The following CLSTN2 variants were observed in gnomAD, a reference collection of about 807,000 sequenced individuals.
CLSTN2 encodes the protein calsyntenin 2.
CLSTN2 carries 48 observed loss-of-function variants against 101.2 expected under a neutral mutation model. The observed-to-expected ratio is 0.47, with a 90% CI of 0.38 to 0.60. CLSTN2 has a LOEUF of 0.60. Among genes scored for constraint, CLSTN2 ranks in the 20% least tolerant of loss-of-function variants. The probability of loss-of-function intolerance (pLI) is 0.00; values close to 1 mark genes in which losing one functional copy is unlikely to be tolerated. For missense variants in CLSTN2, 1,160 were observed against 1,238.2 expected (o/e 0.94, Z 0.95); for synonymous variants, 481 against 463.6 (o/e 1.04, Z -0.48).
At chr3:140,119,968 G>A (rs763911577) in intron 1 of CLSTN2, among the ~76,000 whole-genome samples, 13 of 152,266 alleles carry the variant, frequency 8.5e-5, no homozygotes, top group East Asian at 1.9e-4. Flanking sequence ...CTCCAGCCAC[G>A]TTATTCCTCT....
intron 4 of CLSTN2, among the ~76,000 whole-genome samples, chr3:140,406,596 A>G (rs1455056200): frequency 6.6e-6 from 1 of 152,224 alleles, no homozygotes; most frequent in Non-Finnish European, 1.5e-5. Context: ...AGGCTCTGTG[A>G]AATGACTAGC....
At chr3:140,406,766 A>C (rs1297061802) in intron 4 of CLSTN2, among the ~76,000 whole-genome samples, 2 of 152,228 alleles carry the variant, frequency 1.3e-5, no homozygotes, top group Non-Finnish European at 2.9e-5. Context: ...GTCCATGGTG[A>C]ATAGCAAGAC....
At chr3:140,203,475 T>G (rs967520422) in intron 2 of CLSTN2, among the ~76,000 whole-genome samples, 22 of 144,378 alleles carry the variant, frequency 1.5e-4, no homozygotes, top group African/African-American at 5.3e-4. Flanking sequence ...TTTTTTTTTT[T>G]TTTTTTTTTT....
intron 2 of CLSTN2, among the ~76,000 whole-genome samples, chr3:140,317,886 T>C (rs1200433862): frequency 6.6e-6 from 1 of 152,146 alleles, no homozygotes; most frequent in African/African-American, 2.4e-5. Context: ...AGATCATGCA[T>C]TAATTGCTCG....
intron 2 of CLSTN2, among the ~76,000 whole-genome samples, chr3:140,277,585 T>C (rs1190510267): frequency 1.3e-5 from 2 of 152,220 alleles, no homozygotes; most frequent in Admixed American, 1.3e-4. Flanking sequence ...TAAGAGAACT[T>C]TTCTGCACTG....
intron 1 of CLSTN2, among the ~76,000 whole-genome samples, chr3:140,040,940 G>T (rs1177817075): frequency 1.3e-5 from 2 of 152,068 alleles, no homozygotes; most frequent in South Asian, 2.1e-4. Flanking sequence ...AAGAAAATGG[G>T]TCTTTGACAT....
At position 140,322,680 on chromosome 3, in the gene CLSTN2, G is replaced by C. The variant is rs923811512; in HGVS notation, c.233-80949G>C. Among the ~76,000 whole-genome samples, 12 of 152,186 alleles carry C rather than the reference G, an allele frequency of 7.9e-5. No individual in the cohort carries two copies. In the East Asian group the frequency reaches 2.3e-3, roughly 29 times the overall value. On this transcript the variant is annotated intron_variant, in intron 2 of 16. Transcript: ENST00000458420. Reference sequence around the variant, plus strand: ...AAAGAGACAGTGTTTGAAAGAGAAGGCACTTTGTATTTTAGACTCACACAA... The same window carrying C: ...AAAGAGACAGTGTTTGAAAGAGAAGCCACTTTGTATTTTAGACTCACACAA...
chr3:140,152,601 G>A (rs2009884865), intron 1 of CLSTN2, among the ~76,000 whole-genome samples: 1 of 152,164 alleles, frequency 6.6e-6, no homozygotes, highest in African/African-American at 2.4e-5. Flanking sequence ...TGAAATTGCT[G>A]CTGTGGACTA....
chr3:140,010,450 G>A (rs1271786933), intron 1 of CLSTN2, among the ~76,000 whole-genome samples: 1 of 152,136 alleles, frequency 6.6e-6, no homozygotes, highest in Non-Finnish European at 1.5e-5. Flanking sequence ...TTGTTGTCTG[G>A]CAGGCGCTCC....
intron 2 of CLSTN2, among the ~76,000 whole-genome samples, chr3:140,366,737 CA>C (rs977444602): frequency 5.9e-5 from 9 of 152,336 alleles, no homozygotes; most frequent in South Asian, 4.1e-4. Context: ...ATGTCTCTCT[CA>C]AAACTCCAGC....
intron 2 of CLSTN2, among the ~76,000 whole-genome samples, chr3:140,309,363 AT>A (rs1252049718): frequency 6.6e-6 from 1 of 152,106 alleles, no homozygotes; most frequent in Non-Finnish European, 1.5e-5. Flanking sequence ...CTACCTGCTG[AT>A]CCTCCCCAGG....
chr3:140,535,555 G>T (rs796132112), intron 9 of CLSTN2, among the ~76,000 whole-genome samples: 1 of 152,174 alleles, frequency 6.6e-6, no homozygotes, highest in Non-Finnish European at 1.5e-5. Context: ...CCAGATATAC[G>T]CTAGGACTGA....
intron 1 of CLSTN2, among the ~76,000 whole-genome samples, chr3:140,162,110 C>T (rs922234613): frequency 2.0e-5 from 3 of 152,112 alleles, no homozygotes; most frequent in Admixed American, 2.0e-4. Flanking sequence ...TTTATATCTG[C>T]TTATAACCTC....
intron 1 of CLSTN2, among the ~76,000 whole-genome samples, chr3:139,954,588 C>T (rs1297161570): frequency 2.6e-5 from 4 of 152,086 alleles, no homozygotes; most frequent in African/African-American, 9.7e-5. Context: ...GTGCCTGCAG[C>T]CTACATAACC....
chr3:139,975,171 T>C (rs1174919123), intron 1 of CLSTN2, among the ~76,000 whole-genome samples: 1 of 152,154 alleles, frequency 6.6e-6, no homozygotes, highest in African/African-American at 2.4e-5. Flanking sequence ...ATATAAGAGC[T>C]GTAGCTTCCT....
At chr3:140,529,752 G>A (rs1467008512) in intron 8 of CLSTN2, among the ~76,000 whole-genome samples, 2 of 152,166 alleles carry the variant, frequency 1.3e-5, no homozygotes, top group African/African-American at 4.8e-5. Flanking sequence ...GCTCACTGGG[G>A]CAGCTCCCAA....
At chr3:140,174,631 A>T (rs192008317) in intron 1 of CLSTN2, among the ~76,000 whole-genome samples, 4 of 152,296 alleles carry the variant, frequency 2.6e-5, no homozygotes, top group Admixed American at 2.6e-4. Context: ...CCTGTCTTAC[A>T]TGGATGGCAG....
chr3:140,053,541 T>A (rs563906912), intron 1 of CLSTN2, among the ~76,000 whole-genome samples: 1 of 152,240 alleles, frequency 6.6e-6, no homozygotes, highest in East Asian at 1.9e-4. Context: ...AGAGAAGGGA[T>A]GTGTGTGGAG....
At position 139,994,812 on chromosome 3, in the gene CLSTN2, C is replaced by T. The variant is rs536495734; in HGVS notation, c.109+59329C>T. Among the ~76,000 whole-genome samples, 5 of 152,292 alleles carry T rather than the reference C, an allele frequency of 3.3e-5. No individual in the cohort carries two copies. The South Asian group carries it at 1.0e-3, about 32-fold the overall frequency. ...ATACTATGCCTCATATACTGCTAGGCAGTAAAGGTGCCGTAAAAAATTCAC... is the reference window on the plus strand; with the variant it reads ...ATACTATGCCTCATATACTGCTAGGTAGTAAAGGTGCCGTAAAAAATTCAC... On this transcript the variant is annotated intron_variant, in intron 1 of 16. Transcript: ENST00000458420.
Sources: allele counts gnomAD v4.1 joint callset (sites outside exome capture counted in the v4.1 genomes callset), GRCh38; gene constraint gnomAD v4.1.1; transcripts MANE v1.5; gene names NCBI Gene and HGNC (gene_info 2026-07-23, HGNC 2026-07-21).